The following TRPS1 variants were observed in gnomAD, a reference collection of about 807,000 sequenced individuals.
TRPS1 encodes the protein transcriptional repressor GATA binding 1.
TRPS1 carries 6 observed loss-of-function variants against 101.2 expected under a neutral mutation model. That is an observed-to-expected ratio of 0.06 (90% CI 0.03 to 0.12). The LOEUF (loss-of-function observed/expected upper bound fraction) is 0.12, where lower values mean the gene tolerates loss of function less well. Among genes scored for constraint, TRPS1 ranks in the 10% least tolerant of loss-of-function variants. The probability of loss-of-function intolerance (pLI) is 1.00; values close to 1 mark genes in which losing one functional copy is unlikely to be tolerated. For missense variants in TRPS1, 1,363 were observed against 1,567.0 expected (o/e 0.87, Z 2.20); for synonymous variants, 578 against 589.8 (o/e 0.98, Z 0.29).
chr8:115,552,254 G>T (rs1816722515), intron 5 of TRPS1, among the ~76,000 whole-genome samples: 1 of 151,930 alleles, frequency 6.6e-6, no homozygotes. Context: ...GATTAAGTGT[G>T]CTACAAGACC....
intron 5 of TRPS1, among the ~76,000 whole-genome samples, chr8:115,584,475 AT>A (rs1025182929): frequency 1.7e-4 from 26 of 151,972 alleles, no homozygotes; most frequent in African/African-American, 6.3e-4. Context: ...CACTACTGTA[AT>A]TTGGGTTCAA....
chr8:115,566,958 C>T (rs1315850320), intron 5 of TRPS1, among the ~76,000 whole-genome samples: 1 of 152,100 alleles, frequency 6.6e-6, no homozygotes, highest in Non-Finnish European at 1.5e-5. Context: ...AATAATCATT[C>T]TAATACCATA....
intron 3 of TRPS1, among the ~76,000 whole-genome samples, chr8:115,611,828 T>C (rs1223160421): frequency 6.6e-6 from 1 of 152,224 alleles, no homozygotes; most frequent in Non-Finnish European, 1.5e-5. Flanking sequence ...AATATAAATG[T>C]AATAAGTAAT....
At chr8:115,607,315 G>A (rs1173803884) in intron 3 of TRPS1, among the ~76,000 whole-genome samples, 1 of 151,964 alleles carries the variant, frequency 6.6e-6, no homozygotes, top group Non-Finnish European at 1.5e-5. Context: ...AAGGGACTAC[G>A]AAAGAAGGCA....
intron 5 of TRPS1, among the ~76,000 whole-genome samples, chr8:115,548,065 A>G (rs1412847516): frequency 6.7e-6 from 1 of 150,318 alleles, no homozygotes. Context: ...CACCATCTCT[A>G]CATAAAAAAA....
At chr8:115,625,949 TGA>T (rs1563653617) in intron 1 of TRPS1, among the ~76,000 whole-genome samples, 1 of 151,870 alleles carries the variant, frequency 6.6e-6, no homozygotes, top group East Asian at 1.9e-4. Context: ...TTCAACTGTT[TGA>T]AATCAAAGCT....
At chr8:115,440,779 T>C (rs751836264) in intron 5 of TRPS1, among the ~76,000 whole-genome samples, 16 of 152,202 alleles carry the variant, frequency 1.1e-4, no homozygotes, top group Non-Finnish European at 2.1e-4. Flanking sequence ...AAAACTGACA[T>C]TATCAAACCA....
intron 5 of TRPS1, among the ~76,000 whole-genome samples, chr8:115,574,316 T>G (rs1817270063): frequency 6.6e-6 from 1 of 152,186 alleles, no homozygotes; most frequent in African/African-American, 2.4e-5. Flanking sequence ...TATCTGTTCT[T>G]TGAAAATAAA....
intron 5 of TRPS1, among the ~76,000 whole-genome samples, chr8:115,529,793 T>G (rs1466681167): frequency 5.3e-5 from 8 of 152,166 alleles, no homozygotes; most frequent in Admixed American, 5.2e-4. Context: ...ACCAGGTAGT[T>G]ACTTGATAAC....
At chr8:115,641,946 A>G (rs1252879467) in intron 1 of TRPS1, among the ~76,000 whole-genome samples, 1 of 152,126 alleles carries the variant, frequency 6.6e-6, no homozygotes, top group Non-Finnish European at 1.5e-5. Context: ...AAAGTCTAAA[A>G]TATATGTGTA....
At chr8:115,442,049 G>T (rs2129883929) in intron 5 of TRPS1, among the ~76,000 whole-genome samples, 1 of 152,094 alleles carries the variant, frequency 6.6e-6, no homozygotes, top group African/African-American at 2.4e-5. Flanking sequence ...AAATACAGGG[G>T]TTTCTCACCA....
At position 115,587,544 on chromosome 8, in the gene TRPS1, T is replaced by A. The variant is rs1771942190; in HGVS notation, c.2157A>T (p.Ser719=). The stretch of plus-strand genomic sequence containing the variant: ...GAACAGTGTTGAAGTGCTCCAGTAG[T>A]GACTGAGTATCGGCAGCTGTAAAAC... ...QCSFTAADTQ[S]LLEHFNTVHC... The change falls in exon 5 of 7, where the codon TCA becomes TCT. Residue 719 remains serine (S), a synonymous_variant. Coordinates refer to ENST00000395715, the MANE Select transcript of TRPS1 (RefSeq NM_014112.5). The A allele has an allele frequency of 1.2e-6, 2 of 1,614,164 alleles. No homozygotes were observed. The highest frequency in any genetic ancestry group is 1.7e-6 in the Non-Finnish European group (2 of 1,180,018).
intron 5 of TRPS1, among the ~76,000 whole-genome samples, chr8:115,464,895 T>C (rs1814279829): frequency 6.6e-6 from 1 of 152,118 alleles, no homozygotes; most frequent in African/African-American, 2.4e-5. Flanking sequence ...TCAAACAAGA[T>C]GTGCTATATC....
intron 6 of TRPS1, among the ~76,000 whole-genome samples, chr8:115,417,421 T>C (rs1343335660): frequency 1.3e-5 from 2 of 152,184 alleles, no homozygotes; most frequent in Non-Finnish European, 2.9e-5. Flanking sequence ...AGCCATAATG[T>C]ATTCACTGGC....
chr8:115,424,574 A>T (rs1025052675), intron 5 of TRPS1, among the ~76,000 whole-genome samples: 3 of 152,208 alleles, frequency 2.0e-5, no homozygotes, highest in African/African-American at 7.2e-5. Flanking sequence ...ATGAACATTG[A>T]CAGCTGAAAT....
At chr8:115,561,542 C>A (rs1160779626) in intron 5 of TRPS1, among the ~76,000 whole-genome samples, 1 of 151,350 alleles carries the variant, frequency 6.6e-6, no homozygotes, top group Non-Finnish European at 1.5e-5. Context: ...CATGTAGAAA[C>A]AACAACAACA....
At chr8:115,625,925 A>T (rs531050226) in intron 1 of TRPS1, among the ~76,000 whole-genome samples, 1 of 151,874 alleles carries the variant, frequency 6.6e-6, no homozygotes. Flanking sequence ...TTGTTTTTCC[A>T]GCTTATAAAA....
At chr8:115,536,899 G>A (rs1269912065) in intron 5 of TRPS1, among the ~76,000 whole-genome samples, 3 of 151,484 alleles carry the variant, frequency 2.0e-5, no homozygotes, top group Non-Finnish European at 4.4e-5. Flanking sequence ...TTTACATATA[G>A]GGGGTTCTTC....
chr8:115,464,097 C>T (rs1467145578), intron 5 of TRPS1, among the ~76,000 whole-genome samples: 1 of 151,966 alleles, frequency 6.6e-6, no homozygotes, highest in Non-Finnish European at 1.5e-5. Context: ...AACAAAATCA[C>T]CAAATAGCTG....
Sources: gnomAD v4.1 joint callset for allele counts (sites outside exome capture counted in the v4.1 genomes callset) on GRCh38, gnomAD v4.1.1 for gene constraint, MANE v1.5 for transcripts, NCBI Gene and HGNC (gene_info 2026-07-23, HGNC 2026-07-21) for gene names.